The following MAMLD1 variants were observed in gnomAD, a reference collection of about 807,000 sequenced individuals.
MAMLD1 encodes the protein mastermind like domain containing 1.
MAMLD1 carries 14 observed loss-of-function variants against 45.0 expected under a neutral mutation model. The observed-to-expected ratio is 0.31, with a 90% CI of 0.21 to 0.49. MAMLD1 has a LOEUF of 0.49. MAMLD1 is among the 20% of genes least tolerant of loss of function. MAMLD1 has a pLI of 0.99. For synonymous variants in MAMLD1, 254 were observed against 247.8 expected (o/e 1.02, Z -0.24); for missense variants, 543 against 603.6 (o/e 0.90, Z 1.05).
rs377371295 is a variant in MAMLD1 at position 150,513,179 on chromosome X, AG to A, written c.*1221del. On this transcript the variant is annotated 3_prime_UTR_variant, in exon 8 of 8. Transcript: ENST00000370401. ...CCGTTACAATTTGAGTGGTGTTGTC[AG>A]CCCATGCTTATCCCTCTCTCTACCT... 1.5e-6 allele frequency: 1 copy of A among 674,412 alleles called. No homozygotes were observed. 55.6% of individuals were successfully genotyped at this position (674,412 alleles called of 1,213,427 possible). A position where few individuals can be genotyped will look rare whatever the true frequency, so the allele number is the denominator to read the frequency against.
chrX:150,371,364 G>A (rs1395168537), intron 1 of MAMLD1, among the ~76,000 whole-genome samples: 1 of 111,319 alleles, frequency 9.0e-6, no homozygotes, highest in Admixed American at 9.6e-5. Flanking sequence ...TTGGAAGAGG[G>A]CCTAGCAGGC....
At chrX:150,404,836 T>G (rs2033958671) in intron 1 of MAMLD1, among the ~76,000 whole-genome samples, 1 of 112,474 alleles carries the variant, frequency 8.9e-6, no homozygotes, top group Admixed American at 9.4e-5. Flanking sequence ...GGTTGTTGCA[T>G]GCATATTCAT....
At chrX:150,373,125 G>A (rs2032110059) in intron 1 of MAMLD1, among the ~76,000 whole-genome samples, 1 of 111,748 alleles carries the variant, frequency 8.9e-6, no homozygotes, top group African/African-American at 3.3e-5. Flanking sequence ...AGTTAATGGG[G>A]ATTCTCCAGG....
At chrX:150,508,048 G>A (rs1241983140) in intron 6 of MAMLD1, among the ~76,000 whole-genome samples, 7 of 112,635 alleles carry the variant, frequency 6.2e-5, no homozygotes, top group Non-Finnish European at 1.1e-4. Context: ...CTTCTTAGCC[G>A]TGTCACCTTG....
intron 4 of MAMLD1, among the ~76,000 whole-genome samples, chrX:150,472,029 A>C (rs972599374): frequency 3.6e-5 from 4 of 112,082 alleles, no homozygotes; most frequent in Non-Finnish European, 7.5e-5. Context: ...CACTCTCATC[A>C]TCTCCATTTT....
At chrX:150,384,117 T>C (rs993802153) in intron 1 of MAMLD1, among the ~76,000 whole-genome samples, 4 of 112,146 alleles carry the variant, frequency 3.6e-5, no homozygotes, top group Non-Finnish European at 5.6e-5. Context: ...TTCATTTCTC[T>C]TGGGCATATA....
chrX:150,412,227 T>C (rs1374952859), intron 1 of MAMLD1, among the ~76,000 whole-genome samples: 1 of 111,121 alleles, frequency 9.0e-6, no homozygotes, highest in Non-Finnish European at 1.9e-5. Context: ...ATTAGGAGTG[T>C]GAGAGGGAAA....
rs2034144136 is a variant in MAMLD1 at position 150,412,359 on chromosome X, C to A, written c.-63-33095C>A. On this transcript the variant is annotated intron_variant, in intron 1 of 7. Coordinates refer to ENST00000370401, the MANE Select transcript of MAMLD1 (RefSeq NM_005491.5). ...GCTTCCCCTAAGCTTCAAGCACTGA[C>A]ACAGACGGAGAAACCACCTGCACTC... 4.5e-5 allele frequency among the ~76,000 whole-genome samples: 5 copies of A among 111,061 alleles called. No individual in the cohort carries two copies. In the South Asian group the frequency reaches 1.9e-3, roughly 43 times the overall value.
chrX:150,482,010 AAGAAAG>A (rs1300509248), intron 5 of MAMLD1, among the ~76,000 whole-genome samples: 4 of 108,644 alleles, frequency 3.7e-5, no homozygotes, highest in African/African-American at 1.0e-4. Flanking sequence ...GAAAGAAAGA[AAGAAAG>A]AAAGAAAGAA....
chrX:150,513,241 C>T lies in MAMLD1; in HGVS notation c.*1282C>T. ...GGAAAGCTGGTGATTTTTCAAGCTA[C>T]GTGTACATATTTGAAAATTTTGTAA... On this transcript the variant is annotated 3_prime_UTR_variant, in exon 8 of 8. Transcript: ENST00000370401. The T allele has an allele frequency of 4.6e-6, 2 of 430,899 alleles. No homozygotes were observed. The highest frequency in any genetic ancestry group is 2.4e-5 in the African/African-American group (1 of 41,140). 35.5% of individuals were successfully genotyped at this position (430,899 alleles called of 1,213,427 possible).
chrX:150,476,827 C>T (rs731426), intron 5 of MAMLD1, among the ~76,000 whole-genome samples: 36,606 of 112,364 alleles, frequency 0.33, 4,467 homozygotes, highest in East Asian at 0.72. Flanking sequence ...CTTAGGCAGT[C>T]GTGAGCACCA....
chrX:150,504,226 A>G (rs1207401607), intron 6 of MAMLD1: 1 of 751,492 alleles, frequency 1.3e-6, no homozygotes, highest in Non-Finnish European at 1.6e-6. Flanking sequence ...GCGGATGGAC[A>G]CCAGCCAGAG....
At chrX:150,456,049 G>C (rs1425718002) in intron 2 of MAMLD1, among the ~76,000 whole-genome samples, 15 of 111,496 alleles carry the variant, frequency 1.3e-4, no homozygotes, top group African/African-American at 4.9e-4. Context: ...CGTCCCTACA[G>C]GCAAGTCAAA....
chrX:150,505,553 A>G (rs2037700596), intron 6 of MAMLD1, among the ~76,000 whole-genome samples: 1 of 111,727 alleles, frequency 9.0e-6, no homozygotes, highest in South Asian at 3.8e-4. Flanking sequence ...AGGTAGGTTC[A>G]GGGGCCCCAG....
At chrX:150,449,403 G>A (rs1298292173) in intron 2 of MAMLD1, among the ~76,000 whole-genome samples, 3 of 111,485 alleles carry the variant, frequency 2.7e-5, no homozygotes, top group African/African-American at 9.8e-5. Context: ...CATTTGGATG[G>A]CTGCAAAAAT....
intron 2 of MAMLD1, among the ~76,000 whole-genome samples, chrX:150,448,363 G>C (rs1012796456): frequency 8.9e-6 from 1 of 112,051 alleles, no homozygotes; most frequent in Non-Finnish European, 1.9e-5. Flanking sequence ...CCAGGAAACC[G>C]AGACTCAGAG....
At chrX:150,394,430 T>C (rs1157528965) in intron 1 of MAMLD1, among the ~76,000 whole-genome samples, 1 of 110,770 alleles carries the variant, frequency 9.0e-6, no homozygotes, top group Non-Finnish European at 1.9e-5. Context: ...ATTCTGGATC[T>C]TTTGCCTCTC....
At chrX:150,403,996 G>GAAAGAAAGAAAGAAAGAAAGAA (rs1244362021) in intron 1 of MAMLD1, among the ~76,000 whole-genome samples, 6 of 73,931 alleles carry the variant, frequency 8.1e-5, no homozygotes, top group African/African-American at 2.4e-4. Context: ...AAGAAAGAAA[G>GAAAGAAAGAAAGAAAGAAAGAA]AAGAAAGGAA....
At chrX:150,451,029 C>T (rs1353666384) in intron 2 of MAMLD1, among the ~76,000 whole-genome samples, 2 of 112,872 alleles carry the variant, frequency 1.8e-5, no homozygotes, top group African/African-American at 6.4e-5. Flanking sequence ...TTTGCAAGAA[C>T]TGAGCACTGC....
Sources: allele counts gnomAD v4.1 joint callset (sites outside exome capture counted in the v4.1 genomes callset), GRCh38; gene constraint gnomAD v4.1.1; transcripts MANE v1.5; gene names NCBI Gene and HGNC (gene_info 2026-07-23, HGNC 2026-07-21).